The following UNC80 variants were observed in gnomAD, a reference collection of about 807,000 sequenced individuals.
UNC80 encodes unc-80 subunit of NALCN channel complex.
Under a neutral mutation model 384.6 loss-of-function variants are expected in UNC80, and 164 were observed. That is an observed-to-expected ratio of 0.43 (90% CI 0.38 to 0.49). UNC80 has a LOEUF of 0.49. Ranked by LOEUF, UNC80 falls within the 20% of genes least tolerant of loss-of-function variation. The pLI is 0.00. For synonymous variants in UNC80, 1,486 were observed against 1,527.8 expected, an observed-to-expected ratio of 0.97 and a Z score of 0.64; for missense variants, 3,330 against 4,143.0, an observed-to-expected ratio of 0.80 and a Z score of 5.39.
At chr2:209,859,758 C>T (rs547717621) in intron 22 of UNC80, among the ~76,000 whole-genome samples, 21 of 152,206 alleles carry the variant, frequency 1.4e-4, no homozygotes, top group South Asian at 6.2e-4. Flanking sequence ...ATTGTGTTTC[C>T]GATTTGCATT....
At chr2:209,796,782 G>A (rs969746561) in intron 7 of UNC80, among the ~76,000 whole-genome samples, 2 of 152,124 alleles carry the variant, frequency 1.3e-5, no homozygotes, top group African/African-American at 4.8e-5. Flanking sequence ...CCAGCCATGT[G>A]GAACTGTAAG....
chr2:209,835,117 T>C, intron 18 of UNC80, 107 bp downstream of exon 18: 1 of 894,858 alleles, frequency 1.1e-6, no homozygotes, highest in Non-Finnish European at 1.7e-6. Flanking sequence ...TCCTTTGAAT[T>C]TTGCCTTGTT....
chr2:209,903,014 G>T (rs896303067), intron 28 of UNC80, among the ~76,000 whole-genome samples: 1 of 150,532 alleles, frequency 6.6e-6, no homozygotes, highest in African/African-American at 2.4e-5. Context: ...ACACAGATGA[G>T]CAAGCCCCTG....
chr2:209,909,549 A>G (rs1477789535), intron 29 of UNC80, among the ~76,000 whole-genome samples: 1 of 152,178 alleles, frequency 6.6e-6, no homozygotes, highest in South Asian at 2.1e-4. Flanking sequence ...AGATGGCATC[A>G]TTATTTTTCT....
intron 51 of UNC80, among the ~76,000 whole-genome samples, chr2:209,965,021 G>A (rs2092704103): frequency 6.6e-6 from 1 of 152,074 alleles, no homozygotes; most frequent in Non-Finnish European, 1.5e-5. Context: ...ATTTTTCTGA[G>A]TCCATAAATT....
chr2:209,935,864 C>G, intron 40 of UNC80, 56 bp downstream of exon 40: 1 of 1,025,874 alleles, frequency 9.7e-7, no homozygotes, highest in Non-Finnish European at 1.4e-6. Flanking sequence ...GGCCACCTCA[C>G]TGAAGATCCA....
chr2:209,873,037 A>G, intron 23 of UNC80, 67 bp downstream of exon 23: 1 of 1,409,874 alleles, frequency 7.1e-7, no homozygotes, highest in Non-Finnish European at 9.8e-7. Context: ...TTTTTGATTG[A>G]TTGTGTTTGT....
In UNC80 at chr2:209,976,430, C is replaced by T. The variant is rs532851515; in HGVS notation, c.8772+127C>T. The T allele has an allele frequency of 6.5e-6, 8 of 1,228,458 alleles. No homozygotes were observed. The South Asian group carries it at 1.2e-4, about 18-fold the overall frequency. 76.1% of individuals were successfully genotyped at this position (1,228,458 alleles called of 1,614,324 possible). ...TGCCAGTTAGTAGGGCCTGTTAATA[C>T]CATGCTTGATGAGAAAACCGCCCAA... On this transcript the variant is annotated intron_variant, in intron 57 of 64. Coordinates refer to ENST00000673920, the MANE Select transcript of UNC80 (RefSeq NM_001371986.1). The surrounding 1 kb of genome is among the most constrained non-coding windows in gnomAD (Gnocchi z 4.3).
chr2:209,973,410 A>C (rs2092933039), intron 56 of UNC80, 140 bp downstream of exon 56: 2 of 836,020 alleles, frequency 2.4e-6, no homozygotes, highest in Non-Finnish European at 3.6e-6. Context: ...GAATTTAGAG[A>C]GACCTCAAAC....
At chr2:209,912,754 C>A in intron 30 of UNC80, 87 bp downstream of exon 30, 1 of 886,620 alleles carries the variant, frequency 1.1e-6, no homozygotes, top group Non-Finnish European at 1.7e-6. Flanking sequence ...TTGGGACATA[C>A]AACATCAGTT....
At position 209,999,229 on chromosome 2, in the gene UNC80, T is replaced by C. The variant is rs2125039077; in HGVS notation, c.*3634T>C. 6.6e-6 allele frequency: 1 copy of C among 152,282 alleles called. No homozygotes were observed. The highest frequency in any genetic ancestry group is 1.9e-4 in the East Asian group (1 of 5,192). The allele number at this position is 152,282 out of a possible 1,614,324, so 9.4% of individuals were successfully genotyped here. ...TACTGAAATGTTTATGAAAGATATT[T>C]ATGAAAGATATTAAGACTTCTGTGT... On this transcript the variant is annotated 3_prime_UTR_variant, in exon 65 of 65. Transcript: ENST00000673920.
chr2:209,872,749 C>T lies in UNC80; in HGVS notation c.3628-9C>T. On this transcript the variant is annotated splice_polypyrimidine_tract_variant and intron_variant, in intron 22 of 64. Coordinates refer to ENST00000673920, the MANE Select transcript of UNC80 (RefSeq NM_001371986.1). The surrounding 1 kb of genome is among the most constrained non-coding windows in gnomAD (Gnocchi z 4.1). ...CCCACATTATTCTTTCCTAAACAAC[C>T]CTACACAGGAAGCCCCTGTGGTGGC... 1.9e-6 allele frequency: 3 copies of T among 1,550,818 alleles called. No homozygotes were observed. The highest frequency in any genetic ancestry group is 2.6e-6 in the Non-Finnish European group (3 of 1,146,298).
At position 209,880,664 on chromosome 2, in the gene UNC80, G is replaced by A. The variant is rs771184130; in HGVS notation, c.3977-297G>A. Among the ~76,000 whole-genome samples, 21 of 152,240 alleles carry A rather than the reference G, an allele frequency of 1.4e-4. No individual in the cohort carries two copies. In the South Asian group the frequency reaches 1.9e-3, roughly 14 times the overall value. ...ATTTTGTTACTCTATGATGCTTTAAGGAAAATAATTTAGTTCTGCTTGTTC... is the reference window on the plus strand; with the variant it reads ...ATTTTGTTACTCTATGATGCTTTAAAGAAAATAATTTAGTTCTGCTTGTTC... On this transcript the variant is annotated intron_variant, in intron 24 of 64. Transcript: ENST00000673920.
chr2:209,924,125 T>G (rs2090252142), intron 35 of UNC80, among the ~76,000 whole-genome samples: 1 of 152,164 alleles, frequency 6.6e-6, no homozygotes, highest in Non-Finnish European at 1.5e-5. Flanking sequence ...TTAGTTTATG[T>G]TGACTGCTTT....
intron 18 of UNC80, among the ~76,000 whole-genome samples, chr2:209,838,149 G>A (rs1286307499): frequency 3.3e-5 from 5 of 151,904 alleles, no homozygotes; most frequent in Admixed American, 1.3e-4. Flanking sequence ...TGTCAAGGGC[G>A]GTGATATAAG....
chr2:209,790,503 C>T (rs2077728934), intron 6 of UNC80, among the ~76,000 whole-genome samples: 1 of 152,174 alleles, frequency 6.6e-6, no homozygotes, highest in Non-Finnish European at 1.5e-5. Context: ...GTATGCTTGA[C>T]AATCTTTGGC....
At chr2:209,819,524 A>G (rs2079990349) in intron 12 of UNC80, among the ~76,000 whole-genome samples, 1 of 152,100 alleles carries the variant, frequency 6.6e-6, no homozygotes, top group Non-Finnish European at 1.5e-5. Context: ...ATATACATAT[A>G]TAAATACACA....
intron 39 of UNC80, among the ~76,000 whole-genome samples, chr2:209,935,379 T>G (rs2091176531): frequency 6.6e-6 from 1 of 152,266 alleles, no homozygotes; most frequent in African/African-American, 2.4e-5. Context: ...CTCCGCACTT[T>G]GGGAGGCCGA....
At position 209,922,327 on chromosome 2, in the gene UNC80, A is replaced by G. The variant is rs1462374602; in HGVS notation, c.5606A>G (p.Asn1869Ser). Reference protein sequence around the residue: ...PSCTSSTSHRNYSFRRGSVWS... With the variant: ...PSCTSSTSHRSYSFRRGSVWS... ...TGCACCTCCAGCACTTCCCACAGGAATTATTCCTTCCGCCGCGGGTCAGTC... is the reference window on the plus strand; with the variant it reads ...TGCACCTCCAGCACTTCCCACAGGAGTTATTCCTTCCGCCGCGGGTCAGTC... Residue 1869 changes from asparagine (N) to serine (S), a missense_variant, in exon 35 of 65, where the codon AAT (asparagine) becomes AGT (serine). By Grantham distance (46) the Asn-to-Ser change is conservative (BLOSUM62 1). Transcript: ENST00000673920. 1 of 1,552,076 alleles carries G rather than the reference A, an allele frequency of 6.4e-7. No individual in the cohort carries two copies. The highest frequency in any genetic ancestry group is 2.4e-5 in the East Asian group (1 of 40,914).
Sources: allele counts gnomAD v4.1 joint callset (sites outside exome capture counted in the v4.1 genomes callset), GRCh38; gene constraint gnomAD v4.1.1; non-coding constraint Gnocchi (gnomAD v3.1); transcripts MANE v1.5; gene names NCBI Gene and HGNC (gene_info 2026-07-23, HGNC 2026-07-21).